Variants in GPC6 observed in about 807,000 individuals in gnomAD.
The protein encoded by GPC6 is glypican-6.
GPC6 carries 14 observed loss-of-function variants against 55.2 expected under a neutral mutation model. The observed-to-expected ratio is 0.25, with a 90% CI of 0.17 to 0.40. The LOEUF (loss-of-function observed/expected upper bound fraction) is 0.40. GPC6 is among the 10% of genes least tolerant of loss of function. The pLI is 1.00. For synonymous variants in GPC6, 278 were observed against 259.6 expected, an observed-to-expected ratio of 1.07 and a Z score of -0.68; for missense variants, 641 against 708.5, an observed-to-expected ratio of 0.90 and a Z score of 1.08.
At chr13:93,627,010 T>TTAG (rs1277602314) in intron 2 of GPC6, among the ~76,000 whole-genome samples, 1 of 151,970 alleles carries the variant, frequency 6.6e-6, no homozygotes, top group Non-Finnish European at 1.5e-5. Context: ...CACACTTTTT[T>TTAG]TATTATTATT....
intron 2 of GPC6, among the ~76,000 whole-genome samples, chr13:93,671,863 G>A (rs1881372537): frequency 6.6e-6 from 1 of 152,104 alleles, no homozygotes; most frequent in Non-Finnish European, 1.5e-5. Flanking sequence ...GAAAGGTTAA[G>A]TGGCATGTCA....
chr13:93,438,298 A>T (rs1877650211), intron 1 of GPC6, among the ~76,000 whole-genome samples: 1 of 152,160 alleles, frequency 6.6e-6, no homozygotes. Flanking sequence ...ATTATTTTAG[A>T]AATACATGTC....
intron 4 of GPC6, among the ~76,000 whole-genome samples, chr13:94,190,952 A>T (rs1889372491): frequency 6.6e-6 from 1 of 152,102 alleles, no homozygotes; most frequent in Non-Finnish European, 1.5e-5. Context: ...TATCTCACAT[A>T]TATATATAAG....
chr13:93,252,881 G>T (rs1328833404), intron 1 of GPC6, among the ~76,000 whole-genome samples: 4 of 152,214 alleles, frequency 2.6e-5, no homozygotes, highest in African/African-American at 9.6e-5. Flanking sequence ...ATTAAATTGT[G>T]TAATGTAGAG....
intron 3 of GPC6, among the ~76,000 whole-genome samples, chr13:93,890,452 G>A (rs1594561482): frequency 6.6e-6 from 1 of 151,942 alleles, no homozygotes; most frequent in Non-Finnish European, 1.5e-5. Context: ...TGGGTGACTG[G>A]GTTTATGGAT....
At position 94,321,594 on chromosome 13, in the gene GPC6, G is replaced by A. The variant is rs147232873; in HGVS notation, c.1152+15471G>A. 2.1e-3 allele frequency among the ~76,000 whole-genome samples: 327 copies of A among 152,242 alleles called. 2 individuals carry two copies. Among genetic ancestry groups the A allele is most frequent in the African/African-American group, 6.7e-3 (280 of 41,536 alleles). The stretch of plus-strand genomic sequence containing the variant: ...CCAGCATCATTTGACTTGGTGGCAC[G>A]TCATACCATTTTAGAGCAGAGCATT... On this transcript the variant is annotated intron_variant, in intron 6 of 8. Transcript: ENST00000377047.
At chr13:94,375,049 C>T (rs556308866) in intron 6 of GPC6, among the ~76,000 whole-genome samples, 634 of 149,222 alleles carry the variant, frequency 4.2e-3, no homozygotes, top group Non-Finnish European at 7.1e-3. Context: ...ATCTCTGGGA[C>T]GCATTCAAAG....
chr13:94,011,725 T>C (rs1274073478), intron 3 of GPC6, among the ~76,000 whole-genome samples: 1 of 152,196 alleles, frequency 6.6e-6, no homozygotes, highest in Non-Finnish European at 1.5e-5. Flanking sequence ...CCGTATGGTG[T>C]GCTGCCCACT....
intron 1 of GPC6, among the ~76,000 whole-genome samples, chr13:93,420,939 C>A (rs1033262253): frequency 1.5e-4 from 23 of 151,984 alleles, no homozygotes; most frequent in Admixed American, 1.5e-3. Flanking sequence ...GTGTCAGGGT[C>A]ATGGTGGATC....
At chr13:94,104,376 A>G (rs1460846386) in intron 4 of GPC6, among the ~76,000 whole-genome samples, 1 of 152,184 alleles carries the variant, frequency 6.6e-6, no homozygotes, top group Non-Finnish European at 1.5e-5. Flanking sequence ...CTGAATGGGC[A>G]AAAACTGGAA....
intron 6 of GPC6, 26 bp downstream of exon 6, chr13:94,306,149 T>C (rs1038486194): frequency 6.2e-7 from 1 of 1,613,676 alleles, no homozygotes; most frequent in Non-Finnish European, 8.5e-7. Flanking sequence ...TTGATAACCA[T>C]GGCGGATGCT....
intron 3 of GPC6, among the ~76,000 whole-genome samples, chr13:93,873,442 T>C (rs917365159): frequency 6.6e-6 from 1 of 151,960 alleles, no homozygotes. Context: ...TCCATACATA[T>C]AGAGCAATGG....
intron 3 of GPC6, among the ~76,000 whole-genome samples, chr13:93,909,469 CA>C (rs1046424169): frequency 2.0e-5 from 3 of 150,162 alleles, no homozygotes; most frequent in Admixed American, 6.6e-5. Flanking sequence ...TGGTAACTAT[CA>C]AAAAAAAAGA....
At chr13:93,443,468 G>A (rs914896727) in intron 1 of GPC6, among the ~76,000 whole-genome samples, 13 of 152,124 alleles carry the variant, frequency 8.5e-5, no homozygotes, top group African/African-American at 3.1e-4. Flanking sequence ...CACCTTGGTG[G>A]GGGCTAAGCA....
intron 2 of GPC6, among the ~76,000 whole-genome samples, chr13:93,570,498 A>G (rs1418570927): frequency 6.6e-6 from 1 of 152,114 alleles, no homozygotes; most frequent in Non-Finnish European, 1.5e-5. Flanking sequence ...ATGCCATTCG[A>G]TGTTCTATAA....
intron 2 of GPC6, among the ~76,000 whole-genome samples, chr13:93,640,707 T>TCCTCCCTCCTCCTCACTTTCCTTC (rs1879878238): frequency 1.7e-5 from 1 of 57,240 alleles, no homozygotes; most frequent in Non-Finnish European, 3.7e-5. Context: ...TTCCCCTCAG[T>TCCTCCCTCCTCCTCACTTTCCTTC]CCTCCCTCCT....
At chr13:94,224,283 A>C (rs982404677) in intron 4 of GPC6, among the ~76,000 whole-genome samples, 56 of 134,712 alleles carry the variant, frequency 4.2e-4, no homozygotes, top group African/African-American at 1.1e-3. Context: ...ATATATATAT[A>C]TCAAATATAC....
At chr13:93,280,700 T>G (rs1041042718) in intron 1 of GPC6, among the ~76,000 whole-genome samples, 2 of 152,368 alleles carry the variant, frequency 1.3e-5, no homozygotes, top group Middle Eastern at 3.4e-3. Context: ...TGGCGCTAAT[T>G]TTTTAAGGCA....
chr13:93,936,706 G>C (rs76813736), intron 3 of GPC6, among the ~76,000 whole-genome samples: 278 of 152,266 alleles, frequency 1.8e-3, no homozygotes, highest in African/African-American at 6.5e-3. Context: ...CATTAAAGAT[G>C]AAACTCAGTA....
Sources: allele counts gnomAD v4.1 joint callset (sites outside exome capture counted in the v4.1 genomes callset), GRCh38; gene constraint gnomAD v4.1.1; transcripts MANE v1.5; gene names NCBI Gene and HGNC (gene_info 2026-07-23, HGNC 2026-07-21).